Variants in CLSTN2 observed in about 807,000 individuals in gnomAD.
The protein encoded by CLSTN2 is calsyntenin-2.
CLSTN2 carries 48 observed loss-of-function variants against 101.2 expected under a neutral mutation model. The observed-to-expected ratio is 0.47, with a 90% CI of 0.38 to 0.60. The LOEUF (loss-of-function observed/expected upper bound fraction) is 0.60. Among genes scored for constraint, CLSTN2 ranks in the 20% least tolerant of loss-of-function variants. The probability of loss-of-function intolerance (pLI) is 0.00; values close to 1 mark genes in which losing one functional copy is unlikely to be tolerated. For missense variants in CLSTN2, 1,160 were observed against 1,238.2 expected (o/e 0.94, Z 0.95); for synonymous variants, 481 against 463.6 (o/e 1.04, Z -0.48).
intron 2 of CLSTN2, among the ~76,000 whole-genome samples, chr3:140,195,158 CT>C (rs2010626435): frequency 6.6e-6 from 1 of 152,186 alleles, no homozygotes; most frequent in Admixed American, 6.5e-5. Context: ...GGCCACAATT[CT>C]TTATGCCGTG....
At chr3:140,277,135 C>T (rs1219027546) in intron 2 of CLSTN2, among the ~76,000 whole-genome samples, 1 of 152,146 alleles carries the variant, frequency 6.6e-6, no homozygotes, top group African/African-American at 2.4e-5. Flanking sequence ...ACAACTGTGG[C>T]CTGAATTTAT....
At chr3:140,184,418 A>C (rs1047035093) in intron 2 of CLSTN2, among the ~76,000 whole-genome samples, 4 of 152,096 alleles carry the variant, frequency 2.6e-5, no homozygotes, top group Non-Finnish European at 5.9e-5. Context: ...TGAGAGAGAG[A>C]GTGAAGGAGG....
chr3:140,146,521 G>A (rs1438862111), intron 1 of CLSTN2, among the ~76,000 whole-genome samples: 1 of 152,210 alleles, frequency 6.6e-6, no homozygotes, highest in African/African-American at 2.4e-5. Flanking sequence ...AAGCCTACTC[G>A]AGGATTTGCT....
chr3:140,477,636 A>T (rs1026096512), intron 8 of CLSTN2, among the ~76,000 whole-genome samples: 1 of 152,184 alleles, frequency 6.6e-6, no homozygotes, highest in African/African-American at 2.4e-5. Flanking sequence ...GGCTCTGAAA[A>T]ATTAAGTCAT....
chr3:140,083,713 G>A (rs1576420955), intron 1 of CLSTN2, among the ~76,000 whole-genome samples: 1 of 152,164 alleles, frequency 6.6e-6, no homozygotes, highest in African/African-American at 2.4e-5. Context: ...CCATCCACTG[G>A]CTTTTATCCC....
At chr3:139,979,877 T>C (rs1248367107) in intron 1 of CLSTN2, among the ~76,000 whole-genome samples, 2 of 152,042 alleles carry the variant, frequency 1.3e-5, no homozygotes, top group Admixed American at 6.6e-5. Flanking sequence ...CCCCCTCGCC[T>C]AGTGTTCCCT....
chr3:140,014,204 A>AATTTT (rs774172450), intron 1 of CLSTN2, among the ~76,000 whole-genome samples: 54 of 152,014 alleles, frequency 3.6e-4, no homozygotes, highest in African/African-American at 5.1e-4. Context: ...GGGAGGATGC[A>AATTTT]ATTTTGTTTT....
At chr3:140,563,548 C>A (rs759955784) in intron 15 of CLSTN2, among the ~76,000 whole-genome samples, 16 of 152,164 alleles carry the variant, frequency 1.1e-4, no homozygotes, top group Non-Finnish European at 2.2e-4. Context: ...GTCCTCTGCC[C>A]AAATTTCTAT....
At chr3:140,308,055 C>G (rs1412711004) in intron 2 of CLSTN2, among the ~76,000 whole-genome samples, 2 of 152,168 alleles carry the variant, frequency 1.3e-5, no homozygotes, top group African/African-American at 4.8e-5. Flanking sequence ...CCTCCCCACC[C>G]CATGATAGAC....
chr3:140,137,992 C>G (rs1489097589), intron 1 of CLSTN2, among the ~76,000 whole-genome samples: 1 of 152,134 alleles, frequency 6.6e-6, no homozygotes, highest in African/African-American at 2.4e-5. Context: ...GTAACATGCA[C>G]AGAACCATAC....
intron 2 of CLSTN2, among the ~76,000 whole-genome samples, chr3:140,317,600 A>G (rs1468648781): frequency 6.6e-6 from 1 of 152,108 alleles, no homozygotes; most frequent in African/African-American, 2.4e-5. Flanking sequence ...GCAAAACAGA[A>G]ATTCTGTCTT....
intron 1 of CLSTN2, among the ~76,000 whole-genome samples, chr3:139,966,440 C>A (rs1201582042): frequency 6.6e-6 from 1 of 152,188 alleles, no homozygotes; most frequent in East Asian, 1.9e-4. Flanking sequence ...GTTGTTCTCT[C>A]CTGCTCTTGC....
intron 1 of CLSTN2, among the ~76,000 whole-genome samples, chr3:140,099,518 CT>C (rs1241871708): frequency 6.6e-6 from 1 of 152,144 alleles, no homozygotes; most frequent in African/African-American, 2.4e-5. Context: ...TAAAATACAT[CT>C]GCAGAGACCC....
intron 1 of CLSTN2, among the ~76,000 whole-genome samples, chr3:140,107,966 A>G (rs146889466): frequency 2.0e-5 from 3 of 152,270 alleles, no homozygotes; most frequent in African/African-American, 7.2e-5. Context: ...GCAATTTGGG[A>G]CCTTGATCTG....
intron 1 of CLSTN2, among the ~76,000 whole-genome samples, chr3:139,995,504 G>T (rs1230397803): frequency 1.3e-5 from 2 of 152,042 alleles, no homozygotes; most frequent in East Asian, 3.9e-4. Context: ...CCTTACCTTT[G>T]ATCCCTTGAA....
intron 2 of CLSTN2, among the ~76,000 whole-genome samples, chr3:140,227,412 A>G (rs115231671): frequency 0.041 from 6,246 of 152,286 alleles, 393 homozygotes; most frequent in African/African-American, 0.14. Context: ...ATGGTCTTGA[A>G]AAGCTACATT....
chr3:140,050,048 A>G (rs977054459), intron 1 of CLSTN2, among the ~76,000 whole-genome samples: 6 of 152,224 alleles, frequency 3.9e-5, no homozygotes, highest in Non-Finnish European at 8.8e-5. Context: ...AAATCTGTGT[A>G]ACAGCAGTCC....
intron 2 of CLSTN2, among the ~76,000 whole-genome samples, chr3:140,244,791 G>C (rs985697807): frequency 2.0e-5 from 3 of 152,116 alleles, no homozygotes; most frequent in African/African-American, 7.2e-5. Flanking sequence ...ATCTTATTAA[G>C]TTTGTAGTTC....
rs1460257967 is a variant in CLSTN2 at position 140,387,670 on chromosome 3, C to A, written c.233-15959C>A. 2.0e-5 allele frequency among the ~76,000 whole-genome samples: 3 copies of A among 152,264 alleles called. No individual in the cohort carries two copies. In the East Asian group the frequency reaches 5.8e-4, roughly 29 times the overall value. On this transcript the variant is annotated intron_variant, in intron 2 of 16. Coordinates refer to ENST00000458420, the MANE Select transcript of CLSTN2 (RefSeq NM_022131.3). ...GTTACAGAAAAACATCACACATTTT[C>A]TTAGAATTCTAATTATACTCAAAGA...
Sources: allele counts gnomAD v4.1 joint callset (sites outside exome capture counted in the v4.1 genomes callset), GRCh38; gene constraint gnomAD v4.1.1; transcripts MANE v1.5; gene names NCBI Gene and HGNC (gene_info 2026-07-23, HGNC 2026-07-21).